The following MSI2 variants were observed in gnomAD, a reference collection of about 807,000 sequenced individuals.
MSI2 encodes RNA-binding protein Musashi homolog 2.
Under a neutral mutation model 45.6 loss-of-function variants are expected in MSI2, and 17 were observed. The ratio of observed to expected loss-of-function variants is 0.37; its 90% CI spans 0.26 to 0.56. MSI2 has a LOEUF of 0.56. Among genes scored for constraint, MSI2 ranks in the 20% least tolerant of loss-of-function variants. The pLI, the probability that MSI2 is intolerant of heterozygous loss-of-function variation, is 0.77. For missense variants in MSI2, 293 were observed against 444.2 expected (o/e 0.66, Z 3.06); for synonymous variants, 156 against 158.2 (o/e 0.99, Z 0.11).
At chr17:57,622,457 ATACGAGTGT>A (rs1297295128) in intron 9 of MSI2, among the ~76,000 whole-genome samples, 1 of 152,240 alleles carries the variant, frequency 6.6e-6, no homozygotes, top group Non-Finnish European at 1.5e-5. Context: ...TAACATGCTG[ATACGAGTGT>A]TAGAGAAATA....
chr17:57,487,545 G>C (rs1303805675), intron 6 of MSI2, among the ~76,000 whole-genome samples: 1 of 152,082 alleles, frequency 6.6e-6, no homozygotes, highest in Admixed American at 6.5e-5. Context: ...CATGCTGCCA[G>C]AGGGATGGTT....
At chr17:57,396,404 G>GCA (rs2083889985) in intron 5 of MSI2, among the ~76,000 whole-genome samples, 1 of 79,350 alleles carries the variant, frequency 1.3e-5, no homozygotes, top group African/African-American at 4.6e-5. Flanking sequence ...AACACACACA[G>GCA]CACACACACC....
At chr17:57,417,655 G>T (rs1264494028) in intron 6 of MSI2, among the ~76,000 whole-genome samples, 1 of 152,068 alleles carries the variant, frequency 6.6e-6, no homozygotes. Context: ...CATTAGTCAG[G>T]GTGTCTCAGT....
intron 6 of MSI2, among the ~76,000 whole-genome samples, chr17:57,468,151 G>A (rs936141577): frequency 6.6e-6 from 1 of 151,788 alleles, no homozygotes; most frequent in Non-Finnish European, 1.5e-5. Flanking sequence ...CTTAGTTCCC[G>A]CATCTGTAAA....
At chr17:57,601,414 G>A (rs1405887653) in intron 8 of MSI2, 1 of 152,256 alleles carries the variant, frequency 6.6e-6, no homozygotes, top group Non-Finnish European at 1.5e-5. Context: ...CCACCAGAGA[G>A]GGGATCCTCC....
intron 10 of MSI2, among the ~76,000 whole-genome samples, chr17:57,651,664 C>T (rs1173690539): frequency 6.6e-6 from 1 of 152,258 alleles, no homozygotes; most frequent in East Asian, 1.9e-4. Context: ...GTCCCAAGTG[C>T]CTCCTGCCTG....
At chr17:57,502,079 A>T (rs972249010) in intron 6 of MSI2, among the ~76,000 whole-genome samples, 1 of 152,276 alleles carries the variant, frequency 6.6e-6, no homozygotes, top group South Asian at 2.1e-4. Flanking sequence ...TACAAGGCTC[A>T]GAAGGGCCCA....
chr17:57,319,502 G>A (rs557419189), intron 5 of MSI2, among the ~76,000 whole-genome samples: 2 of 152,342 alleles, frequency 1.3e-5, no homozygotes, highest in Non-Finnish European at 2.9e-5. Context: ...TGATCCACCT[G>A]TGTTAGATTC....
In MSI2 at chr17:57,556,465, C is replaced by T. The variant is rs114543802; in HGVS notation, c.454+26741C>T. ...ATACTTCTTCCTTGAGGTGGGCAGA[C>T]GAGGGATGTGAGTCTGTGAGGCAGA... On this transcript the variant is annotated intron_variant, in intron 7 of 13. Transcript: ENST00000284073. Among the ~76,000 whole-genome samples, 575 of 152,224 alleles carry T rather than the reference C, an allele frequency of 3.8e-3. 5 individuals carry two copies. Among genetic ancestry groups the T allele is most frequent in the African/African-American group, 0.013 (548 of 41,526 alleles).
intron 6 of MSI2, among the ~76,000 whole-genome samples, chr17:57,485,908 A>C (rs2085744206): frequency 6.6e-6 from 1 of 152,142 alleles, no homozygotes; most frequent in South Asian, 2.1e-4. Context: ...CTGTGTTCTG[A>C]GCCCACTCCA....
intron 6 of MSI2, among the ~76,000 whole-genome samples, chr17:57,467,013 G>A (rs117407056): frequency 7.4e-4 from 113 of 152,332 alleles, no homozygotes; most frequent in Non-Finnish European, 1.2e-3. Flanking sequence ...GAGCAGAAGG[G>A]AGTGATGTCT....
chr17:57,699,897 G>C, the MSI2 span, among the ~76,000 whole-genome samples: 1 of 152,236 alleles, frequency 6.6e-6, no homozygotes, highest in Non-Finnish European at 1.5e-5. Flanking sequence ...ACATCAGTGG[G>C]CACTCTCTGA....
At chr17:57,654,317 G>T (rs1209405770) in intron 11 of MSI2, among the ~76,000 whole-genome samples, 1 of 152,238 alleles carries the variant, frequency 6.6e-6, no homozygotes, top group Admixed American at 6.5e-5. Flanking sequence ...GGCTACCCTA[G>T]TTCCTCAGCC....
At chr17:57,565,156 G>A (rs533256358) in intron 7 of MSI2, among the ~76,000 whole-genome samples, 4 of 152,330 alleles carry the variant, frequency 2.6e-5, no homozygotes, top group Middle Eastern at 3.4e-3. Flanking sequence ...GTATTCGGCT[G>A]TGCCACCCCA....
At chr17:57,603,806 T>G (rs1486952572) in intron 8 of MSI2, among the ~76,000 whole-genome samples, 1 of 152,272 alleles carries the variant, frequency 6.6e-6, no homozygotes, top group Non-Finnish European at 1.5e-5. Context: ...GTTTGTTGAC[T>G]CCTGGACTAA....
chr17:57,655,649 G>A (rs760734868), intron 11 of MSI2, among the ~76,000 whole-genome samples: 1 of 152,064 alleles, frequency 6.6e-6, no homozygotes, highest in Admixed American at 6.5e-5. Flanking sequence ...TTGGGGCTGC[G>A]GTGAGAGTGT....
intron 6 of MSI2, among the ~76,000 whole-genome samples, chr17:57,438,846 G>T (rs2084741634): frequency 1.3e-5 from 2 of 150,880 alleles, no homozygotes; most frequent in South Asian, 4.2e-4. Context: ...TTGTTGCCCA[G>T]GCTGGAGTGC....
intron 7 of MSI2, among the ~76,000 whole-genome samples, chr17:57,554,436 G>A (rs1046061606): frequency 3.3e-5 from 5 of 152,166 alleles, no homozygotes; most frequent in Admixed American, 2.0e-4. Context: ...GGGGTGTTGC[G>A]TCCTGAGACA....
chr17:57,665,841 C>T (rs1372980289), intron 11 of MSI2, among the ~76,000 whole-genome samples: 1 of 152,158 alleles, frequency 6.6e-6, no homozygotes, highest in Non-Finnish European at 1.5e-5. Context: ...GCTTACTTTC[C>T]CTCTGGCAGT....
Sources: gnomAD v4.1 joint callset for allele counts (sites outside exome capture counted in the v4.1 genomes callset) on GRCh38, gnomAD v4.1.1 for gene constraint, MANE v1.5 for transcripts, NCBI Gene and HGNC (gene_info 2026-07-23, HGNC 2026-07-21) for gene names.